The following CYFIP2 variants were observed in gnomAD, a reference collection of about 807,000 sequenced individuals.
CYFIP2 encodes the protein cytoplasmic FMR1 interacting protein 2, also known as cytoplasmic FMR1-interacting protein 2.
A neutral mutation model predicts 158.7 loss-of-function variants in CYFIP2; 29 were observed. The observed-to-expected ratio is 0.18, with a 90% CI of 0.14 to 0.25. The LOEUF is 0.25. CYFIP2 is among the 10% of genes least tolerant of loss of function. The probability of loss-of-function intolerance (pLI) is 1.00; values close to 1 mark genes in which losing one functional copy is unlikely to be tolerated. For missense variants in CYFIP2, 852 were observed against 1,639.5 expected (o/e 0.52, Z 8.29); for synonymous variants, 585 against 617.6 (o/e 0.95, Z 0.78).
At chr5:157,380,681 G>T (rs375085231) in intron 26 of CYFIP2, among the ~76,000 whole-genome samples, 2 of 152,058 alleles carry the variant, frequency 1.3e-5, no homozygotes, top group Non-Finnish European at 2.9e-5. Context: ...AAATAAAATC[G>T]AGCAATACAT....
intron 1 of CYFIP2, among the ~76,000 whole-genome samples, chr5:157,284,191 T>G (rs906561644): frequency 4.6e-5 from 7 of 152,214 alleles, no homozygotes; most frequent in African/African-American, 1.2e-4. Flanking sequence ...TCTGGGCTGA[T>G]TTTTGTTCTC....
At chr5:157,384,737 C>T (rs2113525088) in intron 28 of CYFIP2, 3 of 324,578 alleles carry the variant, frequency 9.2e-6, no homozygotes, top group Middle Eastern at 1.1e-3. Context: ...GTCAGGAGGT[C>T]GAGACCAGCC....
chr5:157,377,077 C>G (rs1765556272), intron 26 of CYFIP2: 1 of 315,810 alleles, frequency 3.2e-6, no homozygotes, highest in Non-Finnish European at 6.4e-6. Context: ...CCTTCTATCT[C>G]CTTTGCCGCT....
chr5:157,317,224 T>C lies in CYFIP2; in HGVS notation c.1356+2130T>C, dbSNP rs577491164. Among the ~76,000 whole-genome samples, 3 of 152,304 alleles carry C rather than the reference T, an allele frequency of 2.0e-5. No homozygotes were observed. In the East Asian group the frequency reaches 5.8e-4, roughly 29 times the overall value. ...TGTCACTCTATTTCCATCTAGTCAT[T>C]ACTTTGCTATACATTGGGAGGTTTT... On this transcript the variant is annotated intron_variant, in intron 13 of 30. Coordinates refer to ENST00000620254, the MANE Select transcript of CYFIP2 (RefSeq NM_001037333.3).
chr5:157,379,821 G>A (rs1028651810), intron 26 of CYFIP2, among the ~76,000 whole-genome samples: 1 of 152,122 alleles, frequency 6.6e-6, no homozygotes, highest in East Asian at 1.9e-4. Context: ...CCCAGACAGA[G>A]CCTATTTATC....
At chr5:157,376,792 C>T in intron 26 of CYFIP2, 1 of 431,640 alleles carries the variant, frequency 2.3e-6, no homozygotes, top group Non-Finnish European at 4.7e-6. Flanking sequence ...CTGGGGTCAG[C>T]CTCCATCCCA....
chr5:157,382,585 T>C lies in CYFIP2; in HGVS notation c.3040-5T>C, dbSNP rs749632971. The C allele has an allele frequency of 1.9e-6, 3 of 1,613,780 alleles. No individual in the cohort carries two copies. The highest frequency in any genetic ancestry group is 1.7e-5 in the Admixed American group (1 of 60,006). ...TTTTCTCTTTCTTTACCCCCATCTC[T>C]GCAGTCTCAGGAGGAGGTCTGCGAT... On this transcript the variant is annotated splice_polypyrimidine_tract_variant and splice_region_variant and intron_variant, in intron 26 of 30. Coordinates refer to ENST00000620254, the MANE Select transcript of CYFIP2 (RefSeq NM_001037333.3).
At chr5:157,343,567 A>G (rs1762459268) in intron 23 of CYFIP2, 1 of 1,506,824 alleles carries the variant, frequency 6.6e-7, no homozygotes, top group Non-Finnish European at 9.0e-7. Context: ...CAAAGTGAAG[A>G]GTGACATCCC....
At chr5:157,334,723 G>A (rs904170107) in intron 21 of CYFIP2, among the ~76,000 whole-genome samples, 10 of 151,896 alleles carry the variant, frequency 6.6e-5, no homozygotes, top group African/African-American at 9.7e-5. Context: ...TCAAAAGTGC[G>A]CAGGTCTTGA....
intron 22 of CYFIP2, among the ~76,000 whole-genome samples, chr5:157,340,196 A>G (rs918091359): frequency 6.6e-6 from 1 of 152,264 alleles, no homozygotes; most frequent in Non-Finnish European, 1.5e-5. Context: ...AGTAAGGCAT[A>G]TATATTCACA....
At position 157,307,911 on chromosome 5, in the gene CYFIP2, C is replaced by T. The variant is rs754255160; in HGVS notation, c.900+46C>T. 2.2e-5 allele frequency: 24 copies of T among 1,088,840 alleles called. 1 individual carries two copies. The East Asian group carries it at 2.5e-4, about 11-fold the overall frequency. The allele number at this position is 1,088,840 out of a possible 1,614,324, so 67.4% of individuals were successfully genotyped here. ...CTGGGCAGAGGGCTGAGGTTACCAG[C>T]GCCAAGATGTCTTTGGGGGAAAGGG... On this transcript the variant is annotated intron_variant, in intron 9 of 30. Coordinates refer to ENST00000620254, the MANE Select transcript of CYFIP2 (RefSeq NM_001037333.3).
chr5:157,370,858 C>T (rs954757181), intron 26 of CYFIP2, among the ~76,000 whole-genome samples: 3 of 152,120 alleles, frequency 2.0e-5, no homozygotes, highest in Non-Finnish European at 1.5e-5. Flanking sequence ...ATTCAGGGGA[C>T]GGAGGAAGGG....
At chr5:157,273,588 G>A (rs543674114) in intron 1 of CYFIP2, among the ~76,000 whole-genome samples, 1 of 152,058 alleles carries the variant, frequency 6.6e-6, no homozygotes, top group South Asian at 2.1e-4. Flanking sequence ...CTGTGGGGTG[G>A]TATGGTTGTA....
chr5:157,386,384 ATTTTTTTTTTATT>A lies in CYFIP2; in HGVS notation c.3208-2801_3208-2789del, dbSNP rs879265571. ...AGGCGCACAACACCATACCTGGATA[ATTTTTTTTTTATT>A]TTTATAGAGATGAGGTGTCACTATG... On this transcript the variant is annotated intron_variant, in intron 28 of 30. Coordinates refer to ENST00000620254, the MANE Select transcript of CYFIP2 (RefSeq NM_001037333.3). Among the ~76,000 whole-genome samples the A allele has an allele frequency of 7.4e-3, 1,106 of 150,054 alleles. 58 individuals carry two copies. Among genetic ancestry groups the A allele is most frequent in the Admixed American group, 0.066 (998 of 15,026 alleles).
chr5:157,377,014 C>G (rs1479581476), intron 26 of CYFIP2: 2 of 391,892 alleles, frequency 5.1e-6, no homozygotes, highest in Non-Finnish European at 1.0e-5. Flanking sequence ...GGCAGGGGTC[C>G]TTTTACTCCC....
At chr5:157,316,186 C>T (rs79927818) in intron 13 of CYFIP2, among the ~76,000 whole-genome samples, 2,090 of 152,226 alleles carry the variant, frequency 0.014, 23 homozygotes, top group Non-Finnish European at 0.022. Context: ...TAAAGAACAG[C>T]ATATCTGTAG....
intron 3 of CYFIP2, among the ~76,000 whole-genome samples, chr5:157,294,317 A>G (rs1211749077): frequency 6.6e-6 from 1 of 152,248 alleles, no homozygotes; most frequent in Admixed American, 6.5e-5. Flanking sequence ...GGAGGTTAGA[A>G]GCAAGATGGA....
chr5:157,391,061 A>C (rs1384581152), intron 30 of CYFIP2, among the ~76,000 whole-genome samples: 2 of 152,112 alleles, frequency 1.3e-5, no homozygotes, highest in Non-Finnish European at 2.9e-5. Flanking sequence ...AAGGACCCTT[A>C]AACCAGGCTG....
At chr5:157,289,019 CT>C (rs1406065761) in intron 3 of CYFIP2, among the ~76,000 whole-genome samples, 1 of 152,054 alleles carries the variant, frequency 6.6e-6, no homozygotes, top group African/African-American at 2.4e-5. Flanking sequence ...ATTATTGGAG[CT>C]TTATAACAGC....
Sources: allele counts gnomAD v4.1 joint callset (sites outside exome capture counted in the v4.1 genomes callset), GRCh38; gene constraint gnomAD v4.1.1; transcripts MANE v1.5; gene names NCBI Gene and HGNC (gene_info 2026-07-23, HGNC 2026-07-21).